Variants in BUB1 observed in about 807,000 individuals in gnomAD.
BUB1 encodes the protein BUB1 mitotic checkpoint serine/threonine kinase.
A neutral mutation model predicts 135.2 loss-of-function variants in BUB1; 84 were observed. The observed-to-expected ratio is 0.62, with a 90% CI of 0.52 to 0.74. The LOEUF is 0.74. Ranked by LOEUF, BUB1 falls within the 30% of genes least tolerant of loss-of-function variation. The probability of loss-of-function intolerance (pLI) is 0.00; values close to 1 mark genes in which losing one functional copy is unlikely to be tolerated. For synonymous variants in BUB1, 403 were observed against 434.4 expected, an observed-to-expected ratio of 0.93 and a Z score of 0.90; for missense variants, 1,162 against 1,288.3, an observed-to-expected ratio of 0.90 and a Z score of 1.50.
chr2:110,670,634 A>C, intron 4 of BUB1, 66 bp from the exon 5 acceptor site: 1 of 1,502,064 alleles, frequency 6.7e-7, no homozygotes, highest in African/African-American at 1.4e-5. Flanking sequence ...GTTAGAGTGA[A>C]AACTAAATAC....
At position 110,657,536 on chromosome 2, in the gene BUB1, A is replaced by G; in HGVS notation, c.1616+10T>C. On this transcript the variant is annotated intron_variant, in intron 14 of 24. Coordinates refer to ENST00000302759, the MANE Select transcript of BUB1 (RefSeq NM_004336.5). ...GGCAGCATCCCATTAACTAGATGGTATTTTTTTACCCATAATTTTCTTTGT... is the reference window on the plus strand; with the variant it reads ...GGCAGCATCCCATTAACTAGATGGTGTTTTTTTACCCATAATTTTCTTTGT... 2 of 1,585,948 alleles carry G rather than the reference A, an allele frequency of 1.3e-6. No individual in the cohort carries two copies. The highest frequency in any genetic ancestry group is 3.6e-5 in the Admixed American group (2 of 56,246).
chr2:110,642,319 G>C, intron 19 of BUB1, 85 bp from the exon 20 acceptor site: 1 of 888,318 alleles, frequency 1.1e-6, no homozygotes, highest in Non-Finnish European at 1.7e-6. Flanking sequence ...CAAAGACATA[G>C]AGTTTTCTGT....
intron 15 of BUB1, among the ~76,000 whole-genome samples, chr2:110,656,466 CA>C (rs2104535297): frequency 6.6e-6 from 1 of 152,176 alleles, no homozygotes; most frequent in African/African-American, 2.4e-5. Context: ...GAACACTAGT[CA>C]GAAACTCCGT....
intron 9 of BUB1, among the ~76,000 whole-genome samples, chr2:110,663,757 T>A (rs1161936450): frequency 6.6e-6 from 1 of 152,182 alleles, no homozygotes; most frequent in Non-Finnish European, 1.5e-5. Flanking sequence ...GGCCGGGCAC[T>A]GTGGCTCAAG....
intron 23 of BUB1, 43 bp from the exon 24 acceptor site, chr2:110,639,891 A>G: frequency 7.0e-7 from 1 of 1,431,568 alleles, no homozygotes; most frequent in Non-Finnish European, 9.9e-7. Context: ...ATAGTAATTT[A>G]CACATGACTA....
At position 110,637,656 on chromosome 2, in the gene BUB1, G is replaced by T; in HGVS notation, c.*308C>A. On this transcript the variant is annotated 3_prime_UTR_variant, in exon 25 of 25. Coordinates refer to ENST00000302759, the MANE Select transcript of BUB1 (RefSeq NM_004336.5). The stretch of plus-strand genomic sequence containing the variant: ...CACCAAACTTCAAATTTGGAAAATA[G>T]CTGTCTTGGCCCTTTTTTGGCTTAA... 1.8e-5 allele frequency: 3 copies of T among 171,198 alleles called. No homozygotes were observed. The highest frequency in any genetic ancestry group is 1.6e-4 in the East Asian group (1 of 6,416). The allele number at this position is 171,198 out of a possible 1,614,324, so 10.6% of individuals were successfully genotyped here. A position where few individuals can be genotyped will look rare whatever the true frequency, so the allele number is the denominator to read the frequency against.
At chr2:110,677,038 A>T (rs1291230663) in intron 1 of BUB1, among the ~76,000 whole-genome samples, 1 of 152,236 alleles carries the variant, frequency 6.6e-6, no homozygotes, top group Non-Finnish European at 1.5e-5. Context: ...GCCCAAGGTA[A>T]ACATTTCATA....
chr2:110,644,439 T>A (rs1160241595), intron 19 of BUB1, among the ~76,000 whole-genome samples: 9 of 142,354 alleles, frequency 6.3e-5, no homozygotes, highest in African/African-American at 2.4e-4. Context: ...ATTGTGCCAC[T>A]GCACTGTAGC....
At chr2:110,645,934 T>C (rs1397360638) in intron 19 of BUB1, among the ~76,000 whole-genome samples, 2 of 151,438 alleles carry the variant, frequency 1.3e-5, no homozygotes, top group African/African-American at 4.8e-5. Flanking sequence ...AACAAGAGAG[T>C]GTCAAAATAT....
chr2:110,674,401 G>T, intron 1 of BUB1, 36 bp from the exon 2 acceptor site: 1 of 1,589,302 alleles, frequency 6.3e-7, no homozygotes, highest in South Asian at 1.1e-5. Context: ...GGGATATTAG[G>T]GATAATTTCT....
intron 19 of BUB1, among the ~76,000 whole-genome samples, chr2:110,643,939 A>T (rs1420460181): frequency 6.6e-6 from 1 of 151,948 alleles, no homozygotes; most frequent in East Asian, 1.9e-4. Context: ...TAGAAATAAA[A>T]ACCCACTGTA....
At chr2:110,658,800 A>G in intron 11 of BUB1, 58 bp from the exon 12 acceptor site, 2 of 1,589,464 alleles carry the variant, frequency 1.3e-6, no homozygotes, top group Non-Finnish European at 1.7e-6. Context: ...ATAACTTAAA[A>G]GACACACAAT....
intron 20 of BUB1, 84 bp from the exon 21 acceptor site, chr2:110,641,887 G>T: frequency 7.0e-7 from 1 of 1,430,672 alleles, no homozygotes; most frequent in South Asian, 1.3e-5. Context: ...CCCAATAAAA[G>T]ATGTGGTGTT....
intron 6 of BUB1, 90 bp from the exon 7 acceptor site, chr2:110,667,939 A>G: frequency 8.3e-7 from 1 of 1,201,732 alleles, no homozygotes; most frequent in African/African-American, 1.5e-5. Flanking sequence ...AAAATGCTTG[A>G]GGGGAAGAGG....
In BUB1 at chr2:110,648,494, G is replaced by A. The variant is rs1010204794; in HGVS notation, c.2347+740C>T. 5.9e-5 allele frequency among the ~76,000 whole-genome samples: 9 copies of A among 152,046 alleles called. No homozygotes were observed. Among genetic ancestry groups the A allele is most frequent in the African/African-American group, 1.4e-4 (6 of 41,396 alleles). On this transcript the variant is annotated intron_variant, in intron 19 of 24. Transcript: ENST00000302759. The surrounding 1 kb of genome is among the most constrained non-coding windows in gnomAD (Gnocchi z 4.2). The stretch of plus-strand genomic sequence containing the variant: ...GGATACATGTCACTGTACTACATTC[G>A]TAAAAAACCCCACAGGATATACAAC...
chr2:110,654,013 C>T (rs1047104112), intron 16 of BUB1, among the ~76,000 whole-genome samples: 16 of 152,024 alleles, frequency 1.1e-4, no homozygotes, highest in African/African-American at 3.6e-4. Context: ...ATAAAATCTA[C>T]TACTAATATA....
intron 5 of BUB1, among the ~76,000 whole-genome samples, chr2:110,669,962 T>C (rs1470850368): frequency 6.6e-6 from 1 of 152,018 alleles, no homozygotes; most frequent in African/African-American, 2.4e-5. Flanking sequence ...AAAAAAATCC[T>C]ACAAATACAG....
intron 1 of BUB1, among the ~76,000 whole-genome samples, chr2:110,674,569 G>A (rs1013899151): frequency 2.0e-5 from 3 of 152,056 alleles, no homozygotes; most frequent in African/African-American, 4.8e-5. Context: ...AGAAGCATTC[G>A]CTCAGACATA....
rs756703353 is a variant in BUB1, at chr2:110,650,627, C to T, written c.2122G>A (p.Ala708Thr). Reference protein sequence around the residue: ...CRLTDTDAAIAEDPPDAIAGL... With the variant: ...CRLTDTDAAITEDPPDAIAGL... ...GCAATAGCATCTGGTGGATCTTCTG[C>T]AATGGCAGCGTCAGTGTCTGTGAGT... The change falls in exon 18 of 25, where the codon GCA (alanine) becomes ACA (threonine). Residue 708 changes from alanine to threonine, a missense_variant. Ala to Thr is a moderately conservative substitution (Grantham distance 58, BLOSUM62 0). Coordinates refer to ENST00000302759, the MANE Select transcript of BUB1 (RefSeq NM_004336.5). 8.7e-6 allele frequency: 14 copies of T among 1,613,968 alleles called. No homozygotes were observed. The highest frequency in any genetic ancestry group is 1.0e-5 in the Non-Finnish European group (12 of 1,179,970).
Sources: gnomAD v4.1 joint callset for allele counts (sites outside exome capture counted in the v4.1 genomes callset) on GRCh38, gnomAD v4.1.1 for gene constraint, Gnocchi (gnomAD v3.1) non-coding constraint, MANE v1.5 for transcripts, NCBI Gene and HGNC (gene_info 2026-07-23, HGNC 2026-07-21) for gene names.